The following CSRP2 variants were observed in gnomAD, a reference collection of about 807,000 sequenced individuals.
The protein encoded by CSRP2 is cysteine and glycine-rich protein 2.
Under a neutral mutation model 24.6 loss-of-function variants are expected in CSRP2, and 18 were observed. That is an observed-to-expected ratio of 0.73 (90% CI 0.51 to 1.09). The LOEUF is 1.09. Among genes scored for constraint, CSRP2 ranks in the 50% least tolerant of loss-of-function variants. The pLI is 0.00. For synonymous variants in CSRP2, 87 were observed against 84.3 expected (o/e 1.03, Z -0.18); for missense variants, 215 against 239.4 (o/e 0.90, Z 0.67).
Position 76,866,204 on chromosome 12 carries a change from G to A in CSRP2, c.57C>T (p.His19=), listed in dbSNP as rs111923859. ...KCGACGRTVY[H]AEEVQCDGRS... ...TGCCATCACACTGCACCTCTTCTGC[G>A]TGGTACACGGTCCTCCCACAGGCCC... The change falls in exon 2 of 6, where the codon CAC becomes CAT. Residue 19 remains histidine (H), a synonymous_variant. Transcript: ENST00000311083. 12 of 1,614,024 alleles carry A rather than the reference G, an allele frequency of 7.4e-6. No individual in the cohort carries two copies. Among genetic ancestry groups the A allele is most frequent in the African/African-American group, 5.3e-5 (4 of 74,898 alleles).
At chr12:76,864,837 T>C (rs1398026105) in intron 2 of CSRP2, 2 of 152,212 alleles carry the variant, frequency 1.3e-5, no homozygotes, top group East Asian at 1.9e-4. Context: ...TGCCTAAAGA[T>C]AACTATATCT....
At chr12:76,870,252 G>A (rs1365387569) in intron 1 of CSRP2, among the ~76,000 whole-genome samples, 2 of 152,174 alleles carry the variant, frequency 1.3e-5, no homozygotes, top group African/African-American at 2.4e-5. Flanking sequence ...GCTAGACTAG[G>A]CTGTCTTTGA....
chr12:76,874,626 T>C (rs1199326861), intron 1 of CSRP2, among the ~76,000 whole-genome samples: 1 of 152,194 alleles, frequency 6.6e-6, no homozygotes, highest in Admixed American at 6.5e-5. Context: ...CACAGACCGA[T>C]GGCTGTGTTT....
At chr12:76,860,157 TA>T in intron 4 of CSRP2, 126 bp downstream of exon 4, 1 of 995,384 alleles carries the variant, frequency 1.0e-6, no homozygotes, top group South Asian at 2.2e-5. Flanking sequence ...GAAATGCATT[TA>T]AAGAAAAGTT....
At chr12:76,862,596 C>T (rs1953693424) in intron 3 of CSRP2, 1 of 527,406 alleles carries the variant, frequency 1.9e-6, no homozygotes, top group South Asian at 7.6e-5. Context: ...GTTATTTAAC[C>T]TGAATATGAA....
At position 76,863,297 on chromosome 12, in the gene CSRP2, C is replaced by T; in HGVS notation, c.160G>A (p.Glu54Lys). Residue 54 changes from glutamate (E) to lysine (K), a missense_variant, in exon 3 of 6, where the codon GAA becomes AAA. Glu to Lys is a moderately conservative substitution (Grantham distance 56). Coordinates refer to ENST00000311083, the MANE Select transcript of CSRP2 (RefSeq NM_001321.3). ...TAGCAGGATTTGCAGTAGATCTCTT[C>T]ATCGTGAATTGCCACTGTTGTGCTA... ...LDSTTVAIHD[E>K]EIYCKSCYGK... The T allele has an allele frequency of 1.2e-6, 2 of 1,614,236 alleles. No individual in the cohort carries two copies. Among genetic ancestry groups the T allele is most frequent in the Non-Finnish European group, 1.7e-6 (2 of 1,180,046 alleles).
intron 3 of CSRP2, chr12:76,862,922 G>A (rs1191687496): frequency 7.9e-6 from 12 of 1,515,836 alleles, no homozygotes; most frequent in Admixed American, 2.2e-5. Context: ...CAAATCACTT[G>A]CTTTTGAGAA....
intron 1 of CSRP2, among the ~76,000 whole-genome samples, chr12:76,876,352 T>A (rs1243555107): frequency 6.6e-6 from 1 of 152,192 alleles, no homozygotes; most frequent in Non-Finnish European, 1.5e-5. Flanking sequence ...AACAATAAAA[T>A]TTTTAACAAT....
At chr12:76,861,324 C>A (rs1331292420) in intron 3 of CSRP2, 4 of 149,826 alleles carry the variant, frequency 2.7e-5, no homozygotes, top group Non-Finnish European at 5.9e-5. Context: ...CGAGGCCAGC[C>A]TAGGCAACAT....
At chr12:76,862,493 ATTGTGCCAG>A (rs146075483) in intron 3 of CSRP2, 5,131 of 179,884 alleles carry the variant, frequency 0.029, 148 homozygotes, top group African/African-American at 0.078. Flanking sequence ...GTGAGCCGAG[ATTGTGCCAG>A]TGCACTCCAG....
chr12:76,874,316 A>T (rs1382707581), intron 1 of CSRP2, among the ~76,000 whole-genome samples: 1 of 152,266 alleles, frequency 6.6e-6, no homozygotes, highest in South Asian at 2.1e-4. Context: ...CAGATATAAA[A>T]GAAACAGTGC....
chr12:76,868,466 T>C (rs556558077), intron 1 of CSRP2, among the ~76,000 whole-genome samples: 1 of 152,340 alleles, frequency 6.6e-6, no homozygotes, highest in East Asian at 1.9e-4. Context: ...ACAAGCTCTC[T>C]TGCCTGCTGC....
chr12:76,870,723 G>A (rs974211668), intron 1 of CSRP2, among the ~76,000 whole-genome samples: 2 of 151,774 alleles, frequency 1.3e-5, no homozygotes, highest in African/African-American at 4.8e-5. Context: ...GATGGTTAGG[G>A]AGCCAGGTGT....
At chr12:76,861,345 T>C (rs1012429618) in intron 3 of CSRP2, 1 of 110,284 alleles carries the variant, frequency 9.1e-6, no homozygotes. Flanking sequence ...AGCAAGACCC[T>C]GTCTATATAT....
In CSRP2 at chr12:76,862,721, T is replaced by TA. The variant is rs1953695119; in HGVS notation, c.281+454dup. ...ATAAGAAGTAATTTCCATTTTTAAG[T>TA]AAAAAATTTTAAGTTAGAGAAAAGT... is the stretch of plus-strand genomic sequence containing the variant. On this transcript the variant is annotated intron_variant, in intron 3 of 5. Transcript: ENST00000311083. The TA allele has an allele frequency of 3.1e-6, 4 of 1,301,898 alleles. No individual in the cohort carries two copies. In the East Asian group the frequency reaches 8.5e-5, roughly 28 times the overall value. 80.6% of individuals were successfully genotyped at this position (1,301,898 alleles called of 1,614,324 possible). A position where few individuals can be genotyped will look rare whatever the true frequency, so the allele number is the denominator to read the frequency against.
chr12:76,859,402 T>A (rs1565819006), intron 5 of CSRP2, 145 bp downstream of exon 5: 3 of 629,680 alleles, frequency 4.8e-6, no homozygotes, highest in Non-Finnish European at 8.4e-6. Flanking sequence ...TGGTTCTCTG[T>A]CATCTATAAG....
chr12:76,859,072 A>C (rs1206361952), intron 5 of CSRP2, 44 bp from the exon 6 acceptor site: 2 of 1,550,064 alleles, frequency 1.3e-6, no homozygotes, highest in African/African-American at 1.4e-5. Context: ...AAGTCCATTA[A>C]GCTTTGCTAG....
intron 1 of CSRP2, chr12:76,878,078 T>TA (rs1046605595): frequency 6.7e-6 from 1 of 149,962 alleles, no homozygotes; most frequent in African/African-American, 2.5e-5. Context: ...GCCATTTAAG[T>TA]AAAAATCGTT....
intron 1 of CSRP2, among the ~76,000 whole-genome samples, chr12:76,869,881 C>T (rs1168949277): frequency 6.6e-6 from 1 of 152,202 alleles, no homozygotes; most frequent in African/African-American, 2.4e-5. Context: ...CTCCAACAGC[C>T]TGCACTGACC....
Sources: allele counts gnomAD v4.1 joint callset (sites outside exome capture counted in the v4.1 genomes callset), GRCh38; gene constraint gnomAD v4.1.1; transcripts MANE v1.5; gene names NCBI Gene and HGNC (gene_info 2026-07-23, HGNC 2026-07-21).